Variants in SCAI observed in about 807,000 individuals in gnomAD.
SCAI encodes suppressor of cancer cell invasion.
In SCAI, 24 loss-of-function variants were observed where a neutral mutation model predicts 92.2. The observed-to-expected ratio is 0.26, with a 90% CI of 0.19 to 0.37. The LOEUF (loss-of-function observed/expected upper bound fraction) is 0.37, where lower values mean the gene tolerates loss of function less well. SCAI is among the 10% of genes least tolerant of loss of function. The probability of loss-of-function intolerance (pLI) is 1.00; values close to 1 mark genes in which losing one functional copy is unlikely to be tolerated. For synonymous variants in SCAI, 261 were observed against 258.6 expected, an observed-to-expected ratio of 1.01 and a Z score of -0.09; for missense variants, 450 against 736.2, an observed-to-expected ratio of 0.61 and a Z score of 4.50.
At chr9:124,965,471 GT>G (rs1356367558) in intron 17 of SCAI, among the ~76,000 whole-genome samples, 8 of 152,290 alleles carry the variant, frequency 5.3e-5, no homozygotes, top group Admixed American at 2.0e-4. Context: ...TTGACCTAAG[GT>G]GATCCACCCT....
chr9:125,118,349 A>G (rs950475059), intron 2 of SCAI, among the ~76,000 whole-genome samples: 1 of 151,916 alleles, frequency 6.6e-6, no homozygotes, highest in African/African-American at 2.4e-5. Context: ...CCACAACTCT[A>G]AAAAATAAAA....
At chr9:125,090,711 G>A (rs989590299) in intron 2 of SCAI, among the ~76,000 whole-genome samples, 10 of 152,170 alleles carry the variant, frequency 6.6e-5, no homozygotes, top group Admixed American at 5.9e-4. Flanking sequence ...GGACTCAAGA[G>A]ATCTTCCCAC....
At chr9:125,043,815 G>T (rs1833380081) in intron 3 of SCAI, among the ~76,000 whole-genome samples, 4 of 152,164 alleles carry the variant, frequency 2.6e-5, no homozygotes. Flanking sequence ...CGACTGCAGT[G>T]GGGAAGTTGT....
At chr9:125,060,839 A>G (rs1277491777) in intron 2 of SCAI, among the ~76,000 whole-genome samples, 1 of 152,172 alleles carries the variant, frequency 6.6e-6, no homozygotes, top group African/African-American at 2.4e-5. Context: ...TAGCATGAAA[A>G]TGGACTAATA....
intron 2 of SCAI, among the ~76,000 whole-genome samples, chr9:125,124,340 T>C (rs1835219022): frequency 6.6e-6 from 1 of 152,140 alleles, no homozygotes; most frequent in African/African-American, 2.4e-5. Flanking sequence ...CATGCAATTA[T>C]GGAGGCTGAA....
chr9:125,027,966 T>C (rs977368583), intron 5 of SCAI, among the ~76,000 whole-genome samples: 2 of 152,204 alleles, frequency 1.3e-5, no homozygotes, highest in African/African-American at 2.4e-5. Flanking sequence ...GCTCTAAGGA[T>C]ATAATAAAAA....
chr9:125,027,712 G>A (rs374881512), intron 5 of SCAI, among the ~76,000 whole-genome samples: 9 of 152,022 alleles, frequency 5.9e-5, no homozygotes, highest in East Asian at 1.9e-4. Flanking sequence ...TAGTAGAGAC[G>A]GGGTTTCACT....
intron 2 of SCAI, among the ~76,000 whole-genome samples, chr9:125,101,062 A>C (rs1192603823): frequency 6.6e-6 from 1 of 151,840 alleles, no homozygotes; most frequent in Admixed American, 6.6e-5. Flanking sequence ...CCATCTCTTA[A>C]CAACAACAAC....
At chr9:125,064,539 C>T (rs1564398763) in intron 2 of SCAI, among the ~76,000 whole-genome samples, 2 of 151,934 alleles carry the variant, frequency 1.3e-5, no homozygotes, top group Non-Finnish European at 2.9e-5. Flanking sequence ...AAATCAATAG[C>T]CAAAATATTA....
In SCAI at chr9:125,003,538, G is replaced by A. The variant is rs1832409075; in HGVS notation, c.894C>T (p.Phe298=). The A allele has an allele frequency of 3.1e-6, 5 of 1,612,440 alleles. No individual in the cohort carries two copies. Among genetic ancestry groups the A allele is most frequent in the Non-Finnish European group, 4.2e-6 (5 of 1,178,974 alleles). Residue 298 remains phenylalanine, a synonymous_variant, in exon 10 of 18, where the codon TTC becomes TTT. Transcript: ENST00000336505. ...CCCTTTCCAGAGCTTGTAACATCCG[G>A]AACATGTCAACAGTTAGTTCACTGA... is the stretch of plus-strand genomic sequence containing the variant. ...VKFSELTVDM[F]RMLQALEREP... is the part of the protein sequence containing the mutation.
In SCAI at chr9:124,950,799, A is replaced by C. The variant is rs960230701; in HGVS notation, c.*2008T>G. On this transcript the variant is annotated 3_prime_UTR_variant, in exon 18 of 18. Transcript: ENST00000336505. Reference sequence around the variant, plus strand: ...TACAGTGGCTCACACCTGTAATCCTAGCACTTTGGGAGGTTGAGGCAGGAG... The same window carrying C: ...TACAGTGGCTCACACCTGTAATCCTCGCACTTTGGGAGGTTGAGGCAGGAG... 2.0e-5 allele frequency: 3 copies of C among 152,248 alleles called. No homozygotes were observed. The highest frequency in any genetic ancestry group is 7.2e-5 in the African/African-American group (3 of 41,448). 9.4% of individuals were successfully genotyped at this position (152,248 alleles called of 1,614,324 possible).
chr9:125,018,567 T>C (rs556366314), intron 9 of SCAI, among the ~76,000 whole-genome samples: 132 of 152,348 alleles, frequency 8.7e-4, no homozygotes, highest in African/African-American at 3.0e-3. Context: ...CCTGGCTCCA[T>C]GGCAAGTTTA....
chr9:124,961,399 T>C (rs891412305), intron 17 of SCAI, among the ~76,000 whole-genome samples: 1 of 151,792 alleles, frequency 6.6e-6, no homozygotes, highest in Admixed American at 6.6e-5. Flanking sequence ...CCTGTAATCC[T>C]AGAACTTTGG....
intron 6 of SCAI, among the ~76,000 whole-genome samples, chr9:125,024,383 C>G (rs2131079736): frequency 6.6e-6 from 1 of 151,128 alleles, no homozygotes; most frequent in South Asian, 2.1e-4. Context: ...TCAAGCGATT[C>G]TCATGCCTCA....
At chr9:125,084,667 C>T (rs144577116) in intron 2 of SCAI, among the ~76,000 whole-genome samples, 3 of 152,152 alleles carry the variant, frequency 2.0e-5, no homozygotes, top group African/African-American at 7.2e-5. Flanking sequence ...CACCTGCAAC[C>T]CCTTCAGGAT....
At chr9:124,995,164 AT>A (rs571934049) in intron 13 of SCAI, 149 bp from the exon 14 acceptor site, 108 of 561,054 alleles carry the variant, frequency 1.9e-4, no homozygotes, top group African/African-American at 1.8e-3. Context: ...AAAAGCCTGT[AT>A]TTACTAGGAT....
intron 2 of SCAI, among the ~76,000 whole-genome samples, chr9:125,124,301 A>T (rs1257464583): frequency 6.6e-6 from 1 of 152,186 alleles, no homozygotes; most frequent in Non-Finnish European, 1.5e-5. Flanking sequence ...ATATATATTT[A>T]AAAAGATATT....
At chr9:125,033,139 A>G (rs1833117304) in intron 3 of SCAI, among the ~76,000 whole-genome samples, 1 of 152,066 alleles carries the variant, frequency 6.6e-6, no homozygotes, top group East Asian at 1.9e-4. Context: ...TGAGGCGGAA[A>G]GATTGCTTGA....
chr9:125,002,578 G>A (rs1430912212), intron 11 of SCAI, among the ~76,000 whole-genome samples: 2 of 147,400 alleles, frequency 1.4e-5, no homozygotes, highest in Non-Finnish European at 3.0e-5. Flanking sequence ...CGCCTCCCGG[G>A]TTCAAGTAAT....
Sources: allele counts gnomAD v4.1 joint callset (sites outside exome capture counted in the v4.1 genomes callset), GRCh38; gene constraint gnomAD v4.1.1; transcripts MANE v1.5; gene names NCBI Gene and HGNC (gene_info 2026-07-23, HGNC 2026-07-21).